Variants in DOCK10 observed in about 807,000 individuals in gnomAD.
DOCK10 encodes the protein dedicator of cytokinesis 10.
In DOCK10, 145 loss-of-function variants were observed where a neutral mutation model predicts 280.1. That is an observed-to-expected ratio of 0.52 (90% CI 0.45 to 0.59). The LOEUF is 0.59. Among genes scored for constraint, DOCK10 ranks in the 20% least tolerant of loss-of-function variants. The probability of loss-of-function intolerance (pLI) is 0.00; values close to 1 mark genes in which losing one functional copy is unlikely to be tolerated. For synonymous variants in DOCK10, 915 were observed against 942.2 expected (o/e 0.97, Z 0.53); for missense variants, 2,368 against 2,651.7 (o/e 0.89, Z 2.35).
rs746565700 is a variant in DOCK10 at position 224,773,268 on chromosome 2, C to T, written c.6093G>A (p.Val2031=). 3.1e-6 allele frequency: 5 copies of T among 1,613,942 alleles called. No individual in the cohort carries two copies. The Admixed American group carries it at 8.3e-5, about 27-fold the overall frequency. The stretch of plus-strand genomic sequence containing the variant: ...CCTTCTTGGACATCTCGTCAATTGC[C>T]ACTTCAATTGGATTCAGTTCTGTGC... ...QSSTELNPIE[V]AIDEMSKKVS... The change falls in exon 53 of 56, where the codon GTG becomes GTA. Residue 2031 remains valine, a synonymous_variant. Transcript: ENST00000258390.
intron 3 of DOCK10, among the ~76,000 whole-genome samples, chr2:224,912,634 C>A (rs547384755): frequency 1.3e-5 from 2 of 152,250 alleles, no homozygotes; most frequent in Admixed American, 1.3e-4. Flanking sequence ...CTTTTCCTAG[C>A]CTTATATAAA....
intron 52 of DOCK10, 144 bp downstream of exon 52, chr2:224,774,761 T>C (rs994030337): frequency 2.6e-6 from 2 of 757,346 alleles, no homozygotes; most frequent in Non-Finnish European, 4.3e-6. Context: ...TGGAAATCTC[T>C]TCTTGGCAAA....
chr2:225,005,633 T>A lies in DOCK10; in HGVS notation c.123+36619A>T, dbSNP rs142285686. ...AGAATAACTGAAAGTAATGGTATAA[T>A]ACAAGGACAAAATTAAATAAATGTT... is the stretch of plus-strand genomic sequence containing the variant. On this transcript the variant is annotated intron_variant, in intron 1 of 55. Coordinates refer to ENST00000258390, the MANE Select transcript of DOCK10 (RefSeq NM_014689.3). 8.6e-3 allele frequency among the ~76,000 whole-genome samples: 1,317 copies of A among 152,328 alleles called. 17 individuals are homozygous for A. Among genetic ancestry groups the A allele is most frequent in the African/African-American group, 0.03 (1,260 of 41,576 alleles).
intron 1 of DOCK10, among the ~76,000 whole-genome samples, chr2:224,958,911 G>A (rs1704205600): frequency 1.3e-5 from 2 of 152,228 alleles, no homozygotes; most frequent in East Asian, 1.9e-4. Flanking sequence ...CCAAGGCCAC[G>A]GAAAGGTATT....
At chr2:224,920,912 C>G (rs980812662) in intron 2 of DOCK10, among the ~76,000 whole-genome samples, 2 of 150,492 alleles carry the variant, frequency 1.3e-5, no homozygotes, top group African/African-American at 4.9e-5. Context: ...CCTGTTCCAT[C>G]TATGTAGTAA....
intron 1 of DOCK10, among the ~76,000 whole-genome samples, chr2:225,031,297 G>A (rs10176032): frequency 0.15 from 23,476 of 152,182 alleles, 2,525 homozygotes; most frequent in Non-Finnish European, 0.21. Flanking sequence ...ATGGGTCAGG[G>A]ATCTTCCCAA....
In DOCK10 at chr2:224,808,033, C is replaced by T. The variant is rs766421357; in HGVS notation, c.3463G>A (p.Gly1155Arg). The T allele has an allele frequency of 6.8e-6, 11 of 1,612,402 alleles. No homozygotes were observed. The highest frequency in any genetic ancestry group is 2.2e-5 in the East Asian group (1 of 44,856). Residue 1155 changes from glycine to arginine, a missense_variant, in exon 32 of 56, where the codon GGA becomes AGA. Around this residue, in one of 2 missense-constraint regions of DOCK10, gnomAD observed 1,159 missense variants for 1,400.8 expected, o/e 0.83. Coordinates refer to ENST00000258390, the MANE Select transcript of DOCK10 (RefSeq NM_014689.3). ...NEFCRKHFLI[G>R]ILLREVGFAL... ...AAGCCAACTTCTCGGAGCAGAATTC[C>T]GATTAAGAAGTGTTTGCGACAAAAT... is the stretch of plus-strand genomic sequence containing the variant.
At chr2:224,961,468 T>TTCTTTC (rs10672849) in intron 1 of DOCK10, among the ~76,000 whole-genome samples, 3,683 of 66,610 alleles carry the variant, frequency 0.055, 132 homozygotes, top group East Asian at 0.084. Context: ...CTTTCTTTCT[T>TTCTTTC]TTTCTTTCTT....
chr2:224,778,780 G>GA (rs1229831555), intron 50 of DOCK10, among the ~76,000 whole-genome samples: 1 of 152,128 alleles, frequency 6.6e-6, no homozygotes, highest in Non-Finnish European at 1.5e-5. Context: ...AATCTTAGAT[G>GA]AAAAACCACA....
chr2:225,009,888 C>T (rs2126296274), intron 1 of DOCK10, among the ~76,000 whole-genome samples: 1 of 152,284 alleles, frequency 6.6e-6, no homozygotes, highest in Non-Finnish European at 1.5e-5. Context: ...GTGTTGCCCT[C>T]CTGCATAGTT....
At chr2:224,998,596 C>T (rs1706341042) in intron 1 of DOCK10, among the ~76,000 whole-genome samples, 1 of 152,150 alleles carries the variant, frequency 6.6e-6, no homozygotes, top group African/African-American at 2.4e-5. Context: ...TATAAAATAA[C>T]TCCCCCACAA....
chr2:224,929,255 CA>C (rs1702195765), intron 2 of DOCK10, among the ~76,000 whole-genome samples: 1 of 152,170 alleles, frequency 6.6e-6, no homozygotes, highest in Non-Finnish European at 1.5e-5. Flanking sequence ...GTAAACCCAC[CA>C]AAAGGTAAGC....
chr2:225,040,570 A>G (rs1429297122), intron 1 of DOCK10, among the ~76,000 whole-genome samples: 1 of 151,946 alleles, frequency 6.6e-6, no homozygotes, highest in African/African-American at 2.4e-5. Context: ...TCTGGGATAC[A>G]TAATCTTTAT....
At chr2:224,910,986 T>TC (rs1700979832) in intron 3 of DOCK10, among the ~76,000 whole-genome samples, 1 of 151,972 alleles carries the variant, frequency 6.6e-6, no homozygotes, top group African/African-American at 2.4e-5. Context: ...CTTTTTTTTT[T>TC]CTATTTTAGA....
Position 224,856,997 on chromosome 2 carries a change from T to C in DOCK10, c.1686-15A>G, listed in dbSNP as rs371918748. On this transcript the variant is annotated splice_polypyrimidine_tract_variant and intron_variant, in intron 14 of 55. Coordinates refer to ENST00000258390, the MANE Select transcript of DOCK10 (RefSeq NM_014689.3). ...TAAATACTGATCTAAAAGAAAATAT[T>C]TATTCAGGTTGGTAGTTGGATATTG... The C allele has an allele frequency of 1.3e-6, 2 of 1,592,024 alleles. No individual in the cohort carries two copies. The highest frequency in any genetic ancestry group is 1.7e-6 in the Non-Finnish European group (2 of 1,168,670).
intron 1 of DOCK10, among the ~76,000 whole-genome samples, chr2:225,041,250 A>C (rs903164449): frequency 6.6e-6 from 1 of 152,164 alleles, no homozygotes; most frequent in African/African-American, 2.4e-5. Flanking sequence ...TTAGTTCCTA[A>C]TGATATTTTC....
At chr2:224,821,362 C>T (rs1694491744) in intron 28 of DOCK10, among the ~76,000 whole-genome samples, 1 of 151,988 alleles carries the variant, frequency 6.6e-6, no homozygotes, top group South Asian at 2.1e-4. Flanking sequence ...CATTTGAAGC[C>T]CCAATTGAGC....
intron 5 of DOCK10, 60 bp from the exon 6 acceptor site, chr2:224,886,245 T>C: frequency 1.9e-6 from 3 of 1,595,848 alleles, no homozygotes; most frequent in Non-Finnish European, 2.6e-6. Flanking sequence ...TCCTAGACAC[T>C]GCATTTAAAA....
At chr2:224,903,398 T>G (rs1427429271) in intron 3 of DOCK10, among the ~76,000 whole-genome samples, 1 of 152,260 alleles carries the variant, frequency 6.6e-6, no homozygotes, top group African/African-American at 2.4e-5. Context: ...ATTTTGTTGC[T>G]TTGAACTACA....
Sources: gnomAD v4.1 joint callset for allele counts (sites outside exome capture counted in the v4.1 genomes callset) on GRCh38, gnomAD v4.1.1 for gene constraint, gnomAD v4.1.1 regional missense constraint, MANE v1.5 for transcripts, NCBI Gene and HGNC (gene_info 2026-07-23, HGNC 2026-07-21) for gene names.